Variants in NAV2 observed in about 807,000 individuals in gnomAD.
NAV2 encodes the protein neuron navigator 2.
In NAV2, 54 loss-of-function variants were observed where a neutral mutation model predicts 223.2. The ratio of observed to expected loss-of-function variants is 0.24; its 90% confidence interval spans 0.19 to 0.30. The LOEUF (loss-of-function observed/expected upper bound fraction) is 0.30. NAV2 is among the 10% of genes least tolerant of loss of function. NAV2 has a pLI of 1.00. For synonymous variants in NAV2, 1,279 were observed against 1,239.3 expected, an observed-to-expected ratio of 1.03 and a Z score of -0.67; for missense variants, 2,806 against 3,147.5, an observed-to-expected ratio of 0.89 and a Z score of 2.60.
intron 1 of NAV2, among the ~76,000 whole-genome samples, chr11:19,523,769 T>C (rs979754275): frequency 6.6e-6 from 1 of 152,174 alleles, no homozygotes; most frequent in Non-Finnish European, 1.5e-5. Flanking sequence ...CCCCACCTTC[T>C]TCTCCAGCAT....
chr11:19,818,577 A>C (rs902182343), intron 1 of NAV2, among the ~76,000 whole-genome samples: 1 of 152,214 alleles, frequency 6.6e-6, no homozygotes, highest in Non-Finnish European at 1.5e-5. Context: ...ATATAATTTA[A>C]TTATTAAAAT....
intron 11 of NAV2, among the ~76,000 whole-genome samples, chr11:20,017,019 TAGAAA>T (rs965730344): frequency 2.0e-4 from 1 of 4,922 alleles, no homozygotes; most frequent in African/African-American, 2.6e-4. Context: ...AAAATAAAAA[TAGAAA>T]ATAAAATAAA....
intron 6 of NAV2, among the ~76,000 whole-genome samples, chr11:19,913,333 C>T (rs2707101): frequency 0.044 from 6,767 of 152,154 alleles, 515 homozygotes; most frequent in African/African-American, 0.15. Context: ...TGTGGGGGAG[C>T]CTTTCCCAGT....
chr11:19,834,881 G>A (rs1264507775), intron 2 of NAV2, among the ~76,000 whole-genome samples: 1 of 152,196 alleles, frequency 6.6e-6, no homozygotes, highest in Non-Finnish European at 1.5e-5. Context: ...GCAGTCTTAT[G>A]AAATTCAAGT....
intron 1 of NAV2, among the ~76,000 whole-genome samples, chr11:19,419,587 A>T (rs541152614): frequency 3.7e-4 from 57 of 152,330 alleles, no homozygotes; most frequent in South Asian, 3.7e-3. Context: ...ATAGAAATGC[A>T]TATTCCAAAT....
intron 1 of NAV2, among the ~76,000 whole-genome samples, chr11:19,417,402 C>T (rs997025364): frequency 6.6e-6 from 1 of 152,222 alleles, no homozygotes; most frequent in African/African-American, 2.4e-5. Context: ...GAGATACCAT[C>T]CCATGCCAAT....
chr11:19,938,461 A>G (rs1037361166), intron 7 of NAV2, among the ~76,000 whole-genome samples: 5 of 152,224 alleles, frequency 3.3e-5, no homozygotes, highest in African/African-American at 7.2e-5. Context: ...CTGCAATAAC[A>G]AAGACAGTCC....
chr11:19,385,308 TATGTTTA>T (rs1848992803), intron 1 of NAV2, among the ~76,000 whole-genome samples: 1 of 27,060 alleles, frequency 3.7e-5, no homozygotes, highest in Non-Finnish European at 1.8e-4. Flanking sequence ...TTTGGATAAA[TATGTTTA>T]TTCATTCATG....
In NAV2 at chr11:20,090,953, C is replaced by T. The variant is rs775512791; in HGVS notation, c.5587C>T (p.Arg1863Cys). Reference sequence around the variant, plus strand: ...CAAGGAGATGAAGCTGACGGATATCCGCTTAGAAGCTCTCAGTTCTGCCCA... The same window carrying T: ...CAAGGAGATGAAGCTGACGGATATCTGCTTAGAAGCTCTCAGTTCTGCCCA... ...RDKEMKLTDI[R>C]LEALSSAHQL... Residue 1863 changes from arginine to cysteine, a missense_variant, in exon 27 of 38, where the codon CGC becomes TGC. Around this residue, in one of 4 missense-constraint regions of NAV2, gnomAD observed 824 missense variants for 1,069.4 expected, o/e 0.77. Coordinates refer to ENST00000349880, the MANE Select transcript of NAV2 (RefSeq NM_145117.5). The T allele has an allele frequency of 1.9e-6, 3 of 1,613,914 alleles. No homozygotes were observed. Among genetic ancestry groups the T allele is most frequent in the South Asian group, 1.1e-5 (1 of 91,062 alleles).
chr11:19,445,275 G>GT (rs980043304), intron 1 of NAV2, among the ~76,000 whole-genome samples: 23 of 151,488 alleles, frequency 1.5e-4, no homozygotes, highest in Admixed American at 1.1e-3. Flanking sequence ...CTGGCAGGTG[G>GT]TTTTTTTTTA....
chr11:19,477,059 A>T (rs1437779682), intron 1 of NAV2, among the ~76,000 whole-genome samples: 2 of 152,158 alleles, frequency 1.3e-5, no homozygotes, highest in Non-Finnish European at 2.9e-5. Flanking sequence ...TTGCCCCCAC[A>T]CCTGGTCACA....
chr11:19,730,437 A>AT (rs1362580754), intron 1 of NAV2, among the ~76,000 whole-genome samples: 1 of 152,198 alleles, frequency 6.6e-6, no homozygotes, highest in Non-Finnish European at 1.5e-5. Context: ...GAATGGACCC[A>AT]TTGAGGCTCC....
At chr11:20,085,365 A>C (rs187339578) in intron 26 of NAV2, among the ~76,000 whole-genome samples, 3 of 152,332 alleles carry the variant, frequency 2.0e-5, no homozygotes, top group Non-Finnish European at 2.9e-5. Flanking sequence ...TGGACCCTGT[A>C]TACCAAGAGA....
upstream of NAV2, among the ~76,000 whole-genome samples, chr11:19,350,014 A>G (rs1039283687): frequency 9.2e-5 from 14 of 151,748 alleles, no homozygotes; most frequent in Admixed American, 1.3e-4. Flanking sequence ...TAATTGGGGG[A>G]AAAATATTGA....
rs116853385 is a variant in NAV2, at chr11:19,394,385, C to T, written c.75+43358C>T. 5.6e-3 allele frequency among the ~76,000 whole-genome samples: 851 copies of T among 152,326 alleles called. 8 individuals are homozygous for T. Among genetic ancestry groups the T allele is most frequent in the Non-Finnish European group, 0.01 (699 of 68,024 alleles). ...ACTGTTTCCAGGGTTGTTGGGCATT[C>T]ATTCACTCATTTGTTTCTTTAGCCA... On this transcript the variant is annotated intron_variant, in intron 1 of 37. Transcript: ENST00000360655.
At chr11:20,031,891 C>T (rs2055793296) in intron 11 of NAV2, among the ~76,000 whole-genome samples, 1 of 152,116 alleles carries the variant, frequency 6.6e-6, no homozygotes, top group South Asian at 2.1e-4. Context: ...CAGTGTGAAT[C>T]TCCAACAAGG....
At chr11:19,486,977 T>C (rs1404274656) in intron 1 of NAV2, among the ~76,000 whole-genome samples, 2 of 152,154 alleles carry the variant, frequency 1.3e-5, no homozygotes, top group African/African-American at 4.8e-5. Flanking sequence ...TCTCCTGGAC[T>C]TAAGAGGATG....
At chr11:19,862,436 T>G (rs568829005) in intron 3 of NAV2, among the ~76,000 whole-genome samples, 81 of 152,340 alleles carry the variant, frequency 5.3e-4, no homozygotes, top group African/African-American at 1.9e-3. Flanking sequence ...GCCGGCTTGC[T>G]GTAAACGTTG....
intron 1 of NAV2, among the ~76,000 whole-genome samples, chr11:19,539,170 T>A (rs2044271262): frequency 6.6e-6 from 1 of 152,210 alleles, no homozygotes; most frequent in African/African-American, 2.4e-5. Context: ...CTGAGCCTCA[T>A]TACGATCAGT....
Sources: allele counts gnomAD v4.1 joint callset (sites outside exome capture counted in the v4.1 genomes callset), GRCh38; gene constraint gnomAD v4.1.1; regional missense constraint gnomAD v4.1.1; transcripts MANE v1.5; gene names NCBI Gene and HGNC (gene_info 2026-07-23, HGNC 2026-07-21).